CAMK1D: variants seen among roughly 807,000 people sequenced by gnomAD.
CAMK1D encodes calcium/calmodulin-dependent protein kinase type 1D.
Under a neutral mutation model 47.7 loss-of-function variants are expected in CAMK1D, and 9 were observed. The observed-to-expected ratio is 0.19, with a 90% confidence interval of 0.11 to 0.33. The LOEUF is 0.33. CAMK1D is among the 10% of genes least tolerant of loss of function. The pLI, the probability that CAMK1D is intolerant of heterozygous loss-of-function variation, is 1.00. For synonymous variants in CAMK1D, 184 were observed against 184.9 expected (o/e 0.99, Z 0.04); for missense variants, 291 against 488.7 (o/e 0.60, Z 3.81).
intron 1 of CAMK1D, among the ~76,000 whole-genome samples, chr10:12,452,071 C>G (rs182747172): frequency 5.1e-4 from 77 of 152,210 alleles, no homozygotes; most frequent in Middle Eastern, 3.4e-3. Context: ...AGGAGAGTCT[C>G]GTGGAGCAGG....
chr10:12,465,457 C>T (rs1037228084), intron 1 of CAMK1D, among the ~76,000 whole-genome samples: 7 of 152,278 alleles, frequency 4.6e-5, no homozygotes, highest in South Asian at 2.1e-4. Context: ...CAGGTTCAAA[C>T]GATTTTCCTG....
intron 1 of CAMK1D, among the ~76,000 whole-genome samples, chr10:12,540,652 G>A (rs1209594214): frequency 6.6e-6 from 1 of 152,224 alleles, no homozygotes; most frequent in African/African-American, 2.4e-5. Flanking sequence ...ATTGTACTCA[G>A]AATGAAAACT....
intron 1 of CAMK1D, among the ~76,000 whole-genome samples, chr10:12,362,212 T>C (rs1420753046): frequency 6.6e-6 from 1 of 152,102 alleles, no homozygotes; most frequent in Non-Finnish European, 1.5e-5. Flanking sequence ...TCTTCCCACA[T>C]TGAACCTCCA....
intron 1 of CAMK1D, among the ~76,000 whole-genome samples, chr10:12,359,179 C>T (rs1211623732): frequency 6.6e-6 from 1 of 152,142 alleles, no homozygotes; most frequent in Non-Finnish European, 1.5e-5. Flanking sequence ...AGCCTCATGT[C>T]CTCATCTGTA....
intron 2 of CAMK1D, among the ~76,000 whole-genome samples, chr10:12,564,978 A>G (rs1010360875): frequency 6.6e-6 from 1 of 152,146 alleles, no homozygotes; most frequent in African/African-American, 2.4e-5. Flanking sequence ...GGAGGCTGAG[A>G]TAGAAGGACC....
At chr10:12,495,266 T>A (rs1006988953) in intron 1 of CAMK1D, among the ~76,000 whole-genome samples, 3 of 152,100 alleles carry the variant, frequency 2.0e-5, no homozygotes, top group Admixed American at 6.6e-5. Flanking sequence ...ACTTACTTTT[T>A]AAAAAAAACT....
At chr10:12,438,324 T>G (rs1156330937) in intron 1 of CAMK1D, among the ~76,000 whole-genome samples, 1 of 152,214 alleles carries the variant, frequency 6.6e-6, no homozygotes, top group Non-Finnish European at 1.5e-5. Flanking sequence ...TAAGCTGCCC[T>G]TGGTGTCTTT....
rs56063700 is a variant in CAMK1D, at chr10:12,564,147, GTCTCTCTCTCTCTCTCTC to G, written c.224+10808_224+10825del. On this transcript the variant is annotated intron_variant, in intron 2 of 10. Transcript: ENST00000619168. ...TCTCTCTCTCTCTCTCTCTCTCTCTGTCTCTCTCTCTCTCTCTCTCTCTCTCTCTCTCTCATAGGCTAA... is the reference window on the plus strand; with the variant it reads ...TCTCTCTCTCTCTCTCTCTCTCTCTGTCTCTCTCTCTCTCTCATAGGCTAA... Among the ~76,000 whole-genome samples the G allele has an allele frequency of 1.7e-3, 240 of 139,720 alleles. 2 individuals carry two copies. The highest frequency in any genetic ancestry group is 6.0e-3 in the African/African-American group (219 of 36,540). 91.7% of individuals were successfully genotyped at this position (139,720 alleles called of 152,430 possible).
chr10:12,406,267 A>G (rs937223971), intron 1 of CAMK1D, among the ~76,000 whole-genome samples: 1 of 152,180 alleles, frequency 6.6e-6, no homozygotes, highest in East Asian at 1.9e-4. Context: ...CCCCTGGGGA[A>G]ACAGCTCCCT....
chr10:12,721,929 C>T lies in CAMK1D; in HGVS notation c.300-39019C>T, dbSNP rs115546339. On this transcript the variant is annotated intron_variant, in intron 3 of 10. Coordinates refer to ENST00000619168, the MANE Select transcript of CAMK1D (RefSeq NM_153498.4). ...AACAGTAGGAGTTACTGAAACCCCT[C>T]GCTGCCTTCTAAGTGCAGCAGGCTC... 5.2e-3 allele frequency among the ~76,000 whole-genome samples: 785 copies of T among 152,248 alleles called. 7 individuals carry two copies. Among genetic ancestry groups the T allele is most frequent in the African/African-American group, 0.017 (710 of 41,560 alleles).
intron 1 of CAMK1D, among the ~76,000 whole-genome samples, chr10:12,526,309 C>T (rs1422984330): frequency 6.6e-6 from 1 of 152,306 alleles, no homozygotes; most frequent in South Asian, 2.1e-4. Flanking sequence ...ATGGGACTTA[C>T]GTGGTTCTTC....
At chr10:12,667,635 ATTAAGT>A (rs1262376824) in intron 3 of CAMK1D, among the ~76,000 whole-genome samples, 1 of 152,234 alleles carries the variant, frequency 6.6e-6, no homozygotes, top group African/African-American at 2.4e-5. Flanking sequence ...ACATCATAAG[ATTAAGT>A]TTAATGACTG....
intron 2 of CAMK1D, among the ~76,000 whole-genome samples, chr10:12,569,058 A>G (rs1044813051): frequency 1.1e-4 from 17 of 152,202 alleles, no homozygotes; most frequent in African/African-American, 3.9e-4. Context: ...TACTGACTCA[A>G]GAAATCTACC....
intron 2 of CAMK1D, among the ~76,000 whole-genome samples, chr10:12,604,533 C>T (rs7906212): frequency 0.086 from 13,053 of 152,228 alleles, 603 homozygotes; most frequent in Admixed American, 0.14. Flanking sequence ...GAAGTACTTA[C>T]TTGATGCTAT....
At chr10:12,383,536 A>C (rs145611810) in intron 1 of CAMK1D, among the ~76,000 whole-genome samples, 1 of 152,218 alleles carries the variant, frequency 6.6e-6, no homozygotes, top group Non-Finnish European at 1.5e-5. Flanking sequence ...GCCCATTTCA[A>C]ATCTTCTTGA....
At chr10:12,588,306 C>T (rs891690422) in intron 2 of CAMK1D, among the ~76,000 whole-genome samples, 1 of 152,106 alleles carries the variant, frequency 6.6e-6, no homozygotes, top group African/African-American at 2.4e-5. Context: ...AATGATCGGA[C>T]ACCCTGCATA....
At position 12,773,067 on chromosome 10, in the gene CAMK1D, C is replaced by G. The variant is rs540569080; in HGVS notation, c.565+3268C>G. The stretch of plus-strand genomic sequence containing the variant: ...CTCTCCTTTGACATCCTGGTTCTTT[C>G]TATGACGCTTTCCTTGTCATGGTGT... On this transcript the variant is annotated intron_variant, in intron 5 of 10. Coordinates refer to ENST00000619168, the MANE Select transcript of CAMK1D (RefSeq NM_153498.4). Among the ~76,000 whole-genome samples, 13 of 152,336 alleles carry G rather than the reference C, an allele frequency of 8.5e-5. No individual in the cohort carries two copies. In the East Asian group the frequency reaches 2.3e-3, roughly 27 times the overall value.
intron 1 of CAMK1D, among the ~76,000 whole-genome samples, chr10:12,472,881 G>A (rs111519070): frequency 7.9e-5 from 12 of 152,308 alleles, no homozygotes; most frequent in African/African-American, 2.4e-4. Flanking sequence ...TTGAGGCTGC[G>A]AGTACAGGGA....
chr10:12,686,739 A>T (rs1003090511), intron 3 of CAMK1D, among the ~76,000 whole-genome samples: 6 of 152,150 alleles, frequency 3.9e-5, no homozygotes, highest in Non-Finnish European at 7.4e-5. Context: ...TCTCAGAGGG[A>T]AGATTGGGTG....
Sources: gnomAD v4.1 joint callset for allele counts (sites outside exome capture counted in the v4.1 genomes callset) on GRCh38, gnomAD v4.1.1 for gene constraint, MANE v1.5 for transcripts, NCBI Gene and HGNC (gene_info 2026-07-23, HGNC 2026-07-21) for gene names.